Variants in GRID2 observed in about 807,000 individuals in gnomAD.
GRID2 encodes the protein glutamate ionotropic receptor delta type subunit 2.
GRID2 carries 33 observed loss-of-function variants against 114.8 expected under a neutral mutation model. The observed-to-expected ratio is 0.29, with a 90% CI of 0.22 to 0.38. The LOEUF (loss-of-function observed/expected upper bound fraction) is 0.38. Among genes scored for constraint, GRID2 ranks in the 10% least tolerant of loss-of-function variants. GRID2 has a pLI of 1.00. For missense variants in GRID2, 1,184 were observed against 1,257.7 expected, an observed-to-expected ratio of 0.94 and a Z score of 0.89; for synonymous variants, 505 against 449.9, an observed-to-expected ratio of 1.12 and a Z score of -1.55.
chr4:92,514,015 C>CT (rs1237556450), intron 1 of GRID2, among the ~76,000 whole-genome samples: 2 of 151,724 alleles, frequency 1.3e-5, no homozygotes, highest in African/African-American at 4.8e-5. Context: ...TGAATTGAAA[C>CT]TTTGGAACTG....
At position 92,828,655 on chromosome 4, in the gene GRID2, T is replaced by C. The variant is rs1457459162; in HGVS notation, c.244+238369T>C. 2.0e-5 allele frequency among the ~76,000 whole-genome samples: 3 copies of C among 152,130 alleles called. No homozygotes were observed. In the East Asian group the frequency reaches 5.8e-4, roughly 29 times the overall value. ...ACAGATGATAACTTCCTCACCCCAA[T>C]TAACTCAATTAATGAAGTTTTACAT... On this transcript the variant is annotated intron_variant, in intron 2 of 15. Transcript: ENST00000282020.
intron 14 of GRID2, among the ~76,000 whole-genome samples, chr4:93,700,618 T>C (rs2110138031): frequency 6.6e-6 from 1 of 152,294 alleles, no homozygotes. Flanking sequence ...GCTGTTCCTC[T>C]CTCTTTTTCT....
chr4:93,432,583 G>T (rs1769520393), intron 10 of GRID2, among the ~76,000 whole-genome samples: 1 of 152,104 alleles, frequency 6.6e-6, no homozygotes, highest in African/African-American at 2.4e-5. Flanking sequence ...GTTTAAAATA[G>T]CTCAAAATGG....
At chr4:92,906,043 A>G (rs866805634) in intron 2 of GRID2, among the ~76,000 whole-genome samples, 27 of 152,168 alleles carry the variant, frequency 1.8e-4, no homozygotes, top group African/African-American at 6.0e-4. Context: ...GTTAATTTAT[A>G]TACTAGTCTT....
At chr4:92,778,819 G>C (rs965993343) in intron 2 of GRID2, among the ~76,000 whole-genome samples, 15 of 151,992 alleles carry the variant, frequency 9.9e-5, no homozygotes, top group African/African-American at 3.6e-4. Context: ...TTTATGTGAA[G>C]TTATCTTCAG....
At chr4:93,498,682 C>A (rs1300790083) in intron 12 of GRID2, among the ~76,000 whole-genome samples, 2 of 151,666 alleles carry the variant, frequency 1.3e-5, no homozygotes, top group Admixed American at 1.3e-4. Flanking sequence ...TTGGTAGATT[C>A]TTTGGATTTT....
intron 1 of GRID2, among the ~76,000 whole-genome samples, chr4:92,456,200 G>A (rs536472517): frequency 6.6e-6 from 1 of 151,798 alleles, no homozygotes; most frequent in East Asian, 1.9e-4. Context: ...GAAATGAGTA[G>A]GGGAAAATTA....
chr4:93,344,188 G>A (rs373923769), intron 8 of GRID2, among the ~76,000 whole-genome samples: 9 of 152,104 alleles, frequency 5.9e-5, no homozygotes, highest in African/African-American at 2.2e-4. Flanking sequence ...TTACAAGACT[G>A]GTCATCAACA....
intron 13 of GRID2, among the ~76,000 whole-genome samples, chr4:93,524,512 T>A (rs1030834990): frequency 2.8e-4 from 43 of 151,976 alleles, no homozygotes; most frequent in Non-Finnish European, 4.9e-4. Flanking sequence ...TGGATTTTTT[T>A]AAATTATTAT....
At chr4:93,245,796 G>T (rs977191105) in intron 8 of GRID2, among the ~76,000 whole-genome samples, 1 of 152,162 alleles carries the variant, frequency 6.6e-6, no homozygotes, top group Non-Finnish European at 1.5e-5. Context: ...TATCTCTCAG[G>T]ATTTTTGTAA....
intron 8 of GRID2, among the ~76,000 whole-genome samples, chr4:93,376,727 C>T (rs1454953046): frequency 6.6e-6 from 1 of 151,914 alleles, no homozygotes; most frequent in Admixed American, 6.6e-5. Context: ...AAACAGAAAA[C>T]CAAATGCCAC....
At chr4:92,641,570 C>G (rs1445598310) in intron 2 of GRID2, among the ~76,000 whole-genome samples, 2 of 151,558 alleles carry the variant, frequency 1.3e-5, no homozygotes, top group Non-Finnish European at 2.9e-5. Flanking sequence ...AGGTACAAAA[C>G]TTGCAGGTAT....
At chr4:92,513,538 G>T (rs1724354635) in intron 1 of GRID2, among the ~76,000 whole-genome samples, 1 of 151,688 alleles carries the variant, frequency 6.6e-6, no homozygotes, top group African/African-American at 2.4e-5. Context: ...GTATTTTTTT[G>T]ACTGTATCCT....
intron 10 of GRID2, 38 bp downstream of exon 10, chr4:93,423,006 G>T (rs1768453337): frequency 2.2e-6 from 3 of 1,394,738 alleles, no homozygotes; most frequent in East Asian, 2.3e-5. Context: ...ATACTTAAAG[G>T]TTCAATTATT....
At chr4:92,601,068 A>C (rs943254648) in intron 2 of GRID2, among the ~76,000 whole-genome samples, 1 of 151,814 alleles carries the variant, frequency 6.6e-6, no homozygotes, top group African/African-American at 2.4e-5. Context: ...CTGTCCCTAC[A>C]CTCCTGCCTG....
intron 11 of GRID2, among the ~76,000 whole-genome samples, chr4:93,478,199 G>A (rs540750062): frequency 6.6e-6 from 1 of 152,156 alleles, no homozygotes; most frequent in East Asian, 1.9e-4. Context: ...ATATGTTTTT[G>A]TGTAATAAAA....
chr4:93,189,572 G>C (rs2149445459), intron 4 of GRID2, among the ~76,000 whole-genome samples: 1 of 152,024 alleles, frequency 6.6e-6, no homozygotes, highest in South Asian at 2.1e-4. Context: ...TTTTTTTCTA[G>C]TTTCAGGGAG....
chr4:92,476,013 T>C (rs924295659), intron 1 of GRID2, among the ~76,000 whole-genome samples: 1 of 150,832 alleles, frequency 6.6e-6, no homozygotes, highest in Non-Finnish European at 1.5e-5. Flanking sequence ...ATTTAAGAAA[T>C]TCAGTGCTTC....
chr4:93,238,560 G>C, intron 8 of GRID2, 70 bp downstream of exon 8: 1 of 1,336,310 alleles, frequency 7.5e-7, no homozygotes, highest in Admixed American at 1.8e-5. Flanking sequence ...TTTCCATGCA[G>C]TATGATCACA....
Sources: gnomAD v4.1 joint callset for allele counts (sites outside exome capture counted in the v4.1 genomes callset) on GRCh38, gnomAD v4.1.1 for gene constraint, MANE v1.5 for transcripts, NCBI Gene and HGNC (gene_info 2026-07-23, HGNC 2026-07-21) for gene names.